The following OTOF variants were observed in gnomAD, a reference collection of about 807,000 sequenced individuals.
OTOF encodes fer-1-like family member 2.
In OTOF, 218 loss-of-function variants were observed where a neutral mutation model predicts 236.8. The observed-to-expected ratio is 0.92, with a 90% CI of 0.82 to 1.03. The LOEUF (loss-of-function observed/expected upper bound fraction) is 1.03, where lower values mean the gene tolerates loss of function less well. Ranked by LOEUF, OTOF falls within the 50% of genes least tolerant of loss-of-function variation. OTOF has a pLI of 0.00. For missense variants in OTOF, 2,590 were observed against 2,694.4 expected (o/e 0.96, Z 0.86); for synonymous variants, 1,041 against 1,072.5 (o/e 0.97, Z 0.57).
At chr2:26,472,487 A>G in intron 30 of OTOF, 32 bp downstream of exon 30, 1 of 1,613,104 alleles carries the variant, frequency 6.2e-7, no homozygotes, top group Non-Finnish European at 8.5e-7. Flanking sequence ...GCATGTTCCC[A>G]GCCAGCAGGG....
chr2:26,535,209 G>A (rs1572486367), intron 2 of OTOF, among the ~76,000 whole-genome samples: 1 of 152,192 alleles, frequency 6.6e-6, no homozygotes, highest in East Asian at 1.9e-4. Flanking sequence ...TGGGAGTCAG[G>A]CCCTATCACT....
At chr2:26,510,170 A>G (rs1426279269) in intron 5 of OTOF, among the ~76,000 whole-genome samples, 1 of 151,838 alleles carries the variant, frequency 6.6e-6, no homozygotes, top group Non-Finnish European at 1.5e-5. Context: ...TTTTGGGGAG[A>G]TGAAGATAGA....
Position 26,477,627 on chromosome 2 carries a change from C to T in OTOF, c.2315+22G>A. On this transcript the variant is annotated intron_variant, in intron 19 of 46. Transcript: ENST00000272371. The surrounding 1 kb of genome is among the most constrained non-coding windows in gnomAD (Gnocchi z 4.7). ...CCAGTTCCGCCTCATCCTCCCCCCA[C>T]CTGCCGCCCCTCCCTTCTCACCAGC... 1.2e-6 allele frequency: 2 copies of T among 1,611,974 alleles called. No individual in the cohort carries two copies. Among genetic ancestry groups the T allele is most frequent in the Non-Finnish European group, 1.7e-6 (2 of 1,179,748 alleles).
At chr2:26,463,644 T>A in intron 40 of OTOF, 73 bp from the exon 41 acceptor site, 1 of 1,255,614 alleles carries the variant, frequency 8.0e-7, no homozygotes, top group Non-Finnish European at 1.1e-6. Flanking sequence ...CTCCTCTCCC[T>A]CCTAACCTTT....
At chr2:26,555,371 C>T (rs755809505) in intron 1 of OTOF, among the ~76,000 whole-genome samples, 4 of 152,232 alleles carry the variant, frequency 2.6e-5, no homozygotes, top group Non-Finnish European at 4.4e-5. Context: ...GGGATTGTGA[C>T]TCCTGGAGGG....
Position 26,477,016 on chromosome 2 carries a change from T to A in OTOF, c.2551A>T (p.Ile851Phe), listed in dbSNP as rs779619788. 1.4e-5 allele frequency: 23 copies of A among 1,606,598 alleles called. No individual in the cohort carries two copies. Among genetic ancestry groups the A allele is most frequent in the Non-Finnish European group, 1.9e-5 (22 of 1,177,438 alleles). Residue 851 changes from isoleucine (I) to phenylalanine (F), a missense_variant, in exon 22 of 47, where the codon ATC becomes TTC. Coordinates refer to ENST00000272371, the MANE Select transcript of OTOF (RefSeq NM_194248.3). The surrounding 1 kb of genome is among the most constrained non-coding windows in gnomAD (Gnocchi z 4.7). ...EPQHSIPDIF[I>F]WMMSNNKRVA... ...CGCTTGTTGTTGCTCATCATCCAGATGAAGATGTCGGGAATGCTGTGCTGG... is the reference window on the plus strand; with the variant it reads ...CGCTTGTTGTTGCTCATCATCCAGAAGAAGATGTCGGGAATGCTGTGCTGG...
At chr2:26,556,351 G>A (rs753471504) in intron 1 of OTOF, among the ~76,000 whole-genome samples, 4 of 152,124 alleles carry the variant, frequency 2.6e-5, no homozygotes, top group East Asian at 1.9e-4. Flanking sequence ...CTTTTGGGGC[G>A]CCTACAACTG....
intron 3 of OTOF, among the ~76,000 whole-genome samples, chr2:26,524,081 C>G (rs1218055360): frequency 6.6e-6 from 1 of 152,268 alleles, no homozygotes; most frequent in Non-Finnish European, 1.5e-5. Flanking sequence ...ATGCCAGAAC[C>G]TCTCCCACCA....
At chr2:26,546,181 C>G (rs1479815268) in intron 1 of OTOF, among the ~76,000 whole-genome samples, 1 of 152,156 alleles carries the variant, frequency 6.6e-6, no homozygotes, top group Non-Finnish European at 1.5e-5. Flanking sequence ...GAAACCATGG[C>G]CAGGCGAAGT....
At chr2:26,551,351 C>G (rs116498069) in intron 1 of OTOF, among the ~76,000 whole-genome samples, 2,140 of 152,348 alleles carry the variant, frequency 0.014, 58 homozygotes, top group African/African-American at 0.048. Flanking sequence ...TTAAATACCG[C>G]CCATTCCTCC....
chr2:26,467,040 C>G, intron 35 of OTOF, 59 bp downstream of exon 35: 1 of 1,587,822 alleles, frequency 6.3e-7, no homozygotes, highest in South Asian at 1.1e-5. Context: ...AGTGGGGGAA[C>G]CTGTGGGGGG....
chr2:26,530,075 G>A lies in OTOF; in HGVS notation c.139-2155C>T, dbSNP rs147094994. Among the ~76,000 whole-genome samples the A allele has an allele frequency of 2.0e-4, 30 of 151,876 alleles. No individual in the cohort carries two copies. The East Asian group carries it at 5.7e-3, about 29-fold the overall frequency. Reference sequence around the variant, plus strand: ...GGCGCTGTGTGGGAGTCGGGGGGCCGCAGGAGCCACCGAGATTTGGTTTAC... The same window carrying A: ...GGCGCTGTGTGGGAGTCGGGGGGCCACAGGAGCCACCGAGATTTGGTTTAC... On this transcript the variant is annotated intron_variant, in intron 2 of 46. Coordinates refer to ENST00000272371, the MANE Select transcript of OTOF (RefSeq NM_194248.3).
Position 26,530,558 on chromosome 2 carries a change from GCTCCCACCTTA to G in OTOF, c.139-2649_139-2639del, listed in dbSNP as rs1666919877. On this transcript the variant is annotated intron_variant, in intron 2 of 46. Coordinates refer to ENST00000272371, the MANE Select transcript of OTOF (RefSeq NM_194248.3). The stretch of plus-strand genomic sequence containing the variant: ...CAGCAGCTTCTTCGGTCTCTGACTT[GCTCCCACCTTA>G]CAGTTTCCTTTCTTTCCTCCCCTGT... 1.3e-5 allele frequency among the ~76,000 whole-genome samples: 2 copies of G among 152,262 alleles called. 1 individual carries two copies. Among genetic ancestry groups the G allele is most frequent in the South Asian group, 4.1e-4 (2 of 4,820 alleles).
chr2:26,527,142 A>C (rs546875304), intron 3 of OTOF, among the ~76,000 whole-genome samples: 17 of 152,344 alleles, frequency 1.1e-4, no homozygotes, highest in African/African-American at 3.8e-4. Context: ...TCACTTGTGG[A>C]GTGCAAGCTC....
intron 1 of OTOF, among the ~76,000 whole-genome samples, chr2:26,556,351 G>T (rs753471504): frequency 6.6e-6 from 1 of 152,124 alleles, no homozygotes; most frequent in Non-Finnish European, 1.5e-5. Flanking sequence ...CTTTTGGGGC[G>T]CCTACAACTG....
rs1481245757 is a variant in OTOF, at chr2:26,503,753, C to T, written c.583+19G>A. 2.5e-6 allele frequency: 4 copies of T among 1,609,996 alleles called. No individual in the cohort carries two copies. The highest frequency in any genetic ancestry group is 1.3e-5 in the African/African-American group (1 of 74,846). ...CCGCGAGGCGCGGGGCTGCGGGGCT[C>T]ACGCGGCACCTGTCCTACCTGGTCT... On this transcript the variant is annotated intron_variant, in intron 6 of 46. Coordinates refer to ENST00000272371, the MANE Select transcript of OTOF (RefSeq NM_194248.3).
chr2:26,494,089 G>T (rs1665915511), intron 9 of OTOF, among the ~76,000 whole-genome samples: 1 of 152,204 alleles, frequency 6.6e-6, no homozygotes, highest in African/African-American at 2.4e-5. Flanking sequence ...ATTTGTGATG[G>T]TGGCCAGAGC....
At chr2:26,549,812 C>T (rs1272688025) in intron 1 of OTOF, among the ~76,000 whole-genome samples, 1 of 152,292 alleles carries the variant, frequency 6.6e-6, no homozygotes, top group East Asian at 1.9e-4. Context: ...CGACTGAAAG[C>T]GCTGGTTCCC....
rs1474403464 is a variant in OTOF, at chr2:26,482,396, C to T, written c.1579+10G>A. 8 of 1,612,658 alleles carry T rather than the reference C, an allele frequency of 5.0e-6. No homozygotes were observed. The highest frequency in any genetic ancestry group is 1.3e-5 in the African/African-American group (1 of 74,920). On this transcript the variant is annotated intron_variant, in intron 14 of 46. Transcript: ENST00000272371. ...CTGCCCCCCAGCACACCGGGTCTCC[C>T]GCTGCTGACCTTTGTCTCCGTCATT...
Sources: allele counts gnomAD v4.1 joint callset (sites outside exome capture counted in the v4.1 genomes callset), GRCh38; gene constraint gnomAD v4.1.1; non-coding constraint Gnocchi (gnomAD v3.1); transcripts MANE v1.5; gene names NCBI Gene and HGNC (gene_info 2026-07-23, HGNC 2026-07-21).